Variants in STPG4 observed in about 807,000 individuals in gnomAD.
STPG4 encodes protein STPG4.
A neutral mutation model predicts 31.5 loss-of-function variants in STPG4; 41 were observed. That is an observed-to-expected ratio of 1.30 (90% confidence interval 1.01 to 1.69). STPG4 has a LOEUF of 1.69. STPG4 is among the 40% of genes most tolerant of loss of function. The pLI is 0.00. For synonymous variants in STPG4, 141 were observed against 103.0 expected, an observed-to-expected ratio of 1.37 and a Z score of -2.24; for missense variants, 375 against 293.4, an observed-to-expected ratio of 1.28 and a Z score of -2.03.
chr2:47,147,275 T>C (rs771561049), intron 3 of STPG4, among the ~76,000 whole-genome samples: 8 of 152,162 alleles, frequency 5.3e-5, no homozygotes, highest in South Asian at 2.1e-4. Flanking sequence ...CAGGTATTAA[T>C]ACAAAGAGAG....
chr2:47,155,057 A>C, intron 1 of STPG4, 114 bp downstream of exon 1: 2 of 902,040 alleles, frequency 2.2e-6, no homozygotes, highest in Non-Finnish European at 3.6e-6. Flanking sequence ...AGAGAAGGGT[A>C]GGAAGAGGGA....
intron 3 of STPG4, among the ~76,000 whole-genome samples, chr2:47,137,656 A>G (rs537061445): frequency 6.6e-6 from 1 of 152,332 alleles, no homozygotes; most frequent in African/African-American, 2.4e-5. Flanking sequence ...TCAATTTAAT[A>G]GATATAGGCC....
chr2:47,148,044 C>T (rs978899039), intron 3 of STPG4, among the ~76,000 whole-genome samples: 7 of 151,752 alleles, frequency 4.6e-5, no homozygotes, highest in Non-Finnish European at 8.8e-5. Flanking sequence ...CTCTACCTCC[C>T]GGGTTCAAGC....
chr2:47,104,095 A>C (rs1003149718), intron 5 of STPG4, among the ~76,000 whole-genome samples: 1 of 151,986 alleles, frequency 6.6e-6, no homozygotes, highest in Non-Finnish European at 1.5e-5. Flanking sequence ...TATTATCTAC[A>C]TGAATATGGG....
At chr2:47,088,064 T>C (rs993525173) in intron 6 of STPG4, among the ~76,000 whole-genome samples, 1 of 151,962 alleles carries the variant, frequency 6.6e-6, no homozygotes, top group Non-Finnish European at 1.5e-5. Flanking sequence ...GGGTTTTTTG[T>C]TTTTGTTTGT....
intron 3 of STPG4, among the ~76,000 whole-genome samples, chr2:47,147,471 G>A (rs1225881678): frequency 6.6e-6 from 1 of 152,132 alleles, no homozygotes; most frequent in Non-Finnish European, 1.5e-5. Flanking sequence ...TAGCCTGCAG[G>A]GAATGGAAAA....
intron 3 of STPG4, among the ~76,000 whole-genome samples, chr2:47,150,639 C>T (rs982450308): frequency 6.5e-5 from 9 of 139,060 alleles, no homozygotes; most frequent in Admixed American, 4.0e-4. Flanking sequence ...CCCTGGCTTC[C>T]CAAGTAGCTA....
intron 3 of STPG4, among the ~76,000 whole-genome samples, chr2:47,133,286 C>T (rs768125542): frequency 6.6e-6 from 1 of 151,998 alleles, no homozygotes; most frequent in Non-Finnish European, 1.5e-5. Context: ...CCTGCCTCAG[C>T]CTTCTGACTA....
chr2:47,139,367 T>A (rs34212432), intron 3 of STPG4, among the ~76,000 whole-genome samples: 6,177 of 152,060 alleles, frequency 0.041, 210 homozygotes, highest in African/African-American at 0.089. Flanking sequence ...ATTGCTTTGA[T>A]GTCTGCTCTG....
At chr2:47,149,947 G>A (rs1360494623) in intron 3 of STPG4, among the ~76,000 whole-genome samples, 1 of 152,134 alleles carries the variant, frequency 6.6e-6, no homozygotes, top group Admixed American at 6.5e-5. Flanking sequence ...CCTCATTCAA[G>A]GCGAGGGGCA....
intron 5 of STPG4, among the ~76,000 whole-genome samples, chr2:47,122,530 T>G (rs1303664022): frequency 1.3e-5 from 2 of 152,114 alleles, no homozygotes; most frequent in Non-Finnish European, 2.9e-5. Flanking sequence ...TAACACCTTT[T>G]CCAAGTTATT....
chr2:47,101,380 C>A (rs576435844), intron 5 of STPG4, among the ~76,000 whole-genome samples: 21 of 151,798 alleles, frequency 1.4e-4, no homozygotes, highest in African/African-American at 4.9e-4. Flanking sequence ...AGTTGGTTGA[C>A]CCTGCGGCCA....
intron 5 of STPG4, among the ~76,000 whole-genome samples, chr2:47,096,710 C>G (rs1429083175): frequency 6.6e-6 from 1 of 152,168 alleles, no homozygotes; most frequent in Non-Finnish European, 1.5e-5. Flanking sequence ...CTGAAACCTG[C>G]TGTGAGCAAG....
intron 5 of STPG4, among the ~76,000 whole-genome samples, chr2:47,105,801 T>C (rs1215296474): frequency 1.3e-5 from 2 of 152,052 alleles, no homozygotes; most frequent in Non-Finnish European, 2.9e-5. Flanking sequence ...TAAATGTGTA[T>C]ACAGATAGCA....
intron 5 of STPG4, among the ~76,000 whole-genome samples, chr2:47,111,813 C>T (rs2881680): frequency 1.6e-3 from 242 of 152,254 alleles, no homozygotes; most frequent in African/African-American, 5.0e-3. Context: ...TCAGTTATTT[C>T]GAAAATAACG....
In STPG4 at chr2:47,118,381, T is replaced by G. The variant is rs142731745; in HGVS notation, c.519+11560A>C. On this transcript the variant is annotated intron_variant, in intron 5 of 6. Coordinates refer to ENST00000445927, the MANE Select transcript of STPG4 (RefSeq NM_001163561.2). ...GTCTCCCATCACCCCCAGATGGGAC[T>G]GTCTAGTTGCAGGAAAACAAGCTCA... 4.4e-3 allele frequency among the ~76,000 whole-genome samples: 672 copies of G among 152,332 alleles called. 1 individual carries two copies. The highest frequency in any genetic ancestry group is 7.3e-3 in the Non-Finnish European group (496 of 68,032).
intron 5 of STPG4, among the ~76,000 whole-genome samples, chr2:47,125,333 A>T (rs1207477679): frequency 6.6e-6 from 1 of 152,022 alleles, no homozygotes; most frequent in Non-Finnish European, 1.5e-5. Context: ...GAGGGGAAGG[A>T]TTGCTTACAC....
At chr2:47,132,832 A>C (rs1013472678) in intron 3 of STPG4, among the ~76,000 whole-genome samples, 1 of 152,190 alleles carries the variant, frequency 6.6e-6, no homozygotes, top group Non-Finnish European at 1.5e-5. Context: ...TGAAAAGGGG[A>C]AAAAACCTCT....
intron 3 of STPG4, among the ~76,000 whole-genome samples, chr2:47,132,827 AG>A (rs1202706717): frequency 6.6e-6 from 1 of 152,182 alleles, no homozygotes; most frequent in African/African-American, 2.4e-5. Flanking sequence ...AAAACTGAAA[AG>A]GGGAAAAAAC....
Sources: allele counts gnomAD v4.1 joint callset (sites outside exome capture counted in the v4.1 genomes callset), GRCh38; gene constraint gnomAD v4.1.1; transcripts MANE v1.5; gene names NCBI Gene and HGNC (gene_info 2026-07-23, HGNC 2026-07-21).